Variants in GALNT13 observed in about 807,000 individuals in gnomAD.
GALNT13 encodes polypeptide N-acetylgalactosaminyltransferase 13, also known as UDP-GalNAc:polypeptide N-acetylgalactosaminyltransferase 13.
GALNT13 carries 28 observed loss-of-function variants against 64.2 expected under a neutral mutation model. That is an observed-to-expected ratio of 0.44 (90% CI 0.32 to 0.60). The LOEUF is 0.60. Among genes scored for constraint, GALNT13 ranks in the 20% least tolerant of loss-of-function variants. GALNT13 has a pLI of 0.05. For synonymous variants in GALNT13, 214 were observed against 224.6 expected, an observed-to-expected ratio of 0.95 and a Z score of 0.42; for missense variants, 577 against 669.8, an observed-to-expected ratio of 0.86 and a Z score of 1.53.
the GALNT13 span, among the ~76,000 whole-genome samples, chr2:153,223,098 A>G: frequency 6.6e-6 from 1 of 152,228 alleles, no homozygotes; most frequent in South Asian, 2.1e-4. Flanking sequence ...AAATGATGAT[A>G]ACGAGAAAAA....
chr2:153,503,086 ACT>A, the GALNT13 span, among the ~76,000 whole-genome samples: 11 of 151,380 alleles, frequency 7.3e-5, no homozygotes, highest in Non-Finnish European at 1.5e-4. Context: ...AGTTTAATTA[ACT>A]CTCATCTATT....
At chr2:153,382,019 A>G in the GALNT13 span, among the ~76,000 whole-genome samples, 1 of 152,122 alleles carries the variant, frequency 6.6e-6, no homozygotes, top group East Asian at 1.9e-4. Flanking sequence ...TCAATGTGAT[A>G]CAGCAGTTAA....
intron 4 of GALNT13, among the ~76,000 whole-genome samples, chr2:154,229,579 A>G (rs1688808386): frequency 6.6e-6 from 1 of 152,076 alleles, no homozygotes; most frequent in Admixed American, 6.6e-5. Context: ...ATAAATATAT[A>G]AAATTTACTG....
At chr2:153,612,116 T>C in the GALNT13 span, among the ~76,000 whole-genome samples, 2 of 152,172 alleles carry the variant, frequency 1.3e-5, no homozygotes, top group Non-Finnish European at 2.9e-5. Context: ...TTGACGGGCA[T>C]TTGGGTTGGT....
chr2:153,531,294 C>A, the GALNT13 span, among the ~76,000 whole-genome samples: 1,853 of 152,230 alleles, frequency 0.012, 41 homozygotes, highest in African/African-American at 0.042. Context: ...AGGAAACTTA[C>A]AATCATGGTA....
chr2:153,612,010 T>C, the GALNT13 span, among the ~76,000 whole-genome samples: 7 of 152,212 alleles, frequency 4.6e-5, 1 homozygote, highest in Admixed American at 4.6e-4. Context: ...TCCAGCTTCA[T>C]CCATGTCCCT....
At chr2:153,420,513 T>C in the GALNT13 span, among the ~76,000 whole-genome samples, 2 of 152,184 alleles carry the variant, frequency 1.3e-5, no homozygotes, top group Non-Finnish European at 2.9e-5. Flanking sequence ...AGCCTTTAAT[T>C]TGAGACATGA....
intron 2 of GALNT13, among the ~76,000 whole-genome samples, chr2:153,903,123 G>C (rs1432493163): frequency 6.6e-6 from 1 of 151,970 alleles, no homozygotes; most frequent in Non-Finnish European, 1.5e-5. Context: ...ATATTCACTT[G>C]TTGGGCAATA....
At chr2:154,367,483 G>GCTCTCTC (rs1574172848) in intron 9 of GALNT13, among the ~76,000 whole-genome samples, 2 of 152,252 alleles carry the variant, frequency 1.3e-5, no homozygotes, top group East Asian at 3.9e-4. Flanking sequence ...GGCATTTCCA[G>GCTCTCTC]CAAATTGTGA....
chr2:154,367,466 C>G (rs1038320157), intron 9 of GALNT13, among the ~76,000 whole-genome samples: 1 of 152,160 alleles, frequency 6.6e-6, no homozygotes, highest in African/African-American at 2.4e-5. Flanking sequence ...TCCTGAAAAT[C>G]CTAGCTGGCA....
the GALNT13 span, among the ~76,000 whole-genome samples, chr2:153,129,888 T>C: frequency 9.9e-4 from 150 of 152,284 alleles, 3 homozygotes; most frequent in East Asian, 0.024. Context: ...AAGCAACACA[T>C]ACAATTAGGA....
At chr2:153,214,610 C>T in the GALNT13 span, among the ~76,000 whole-genome samples, 1 of 152,112 alleles carries the variant, frequency 6.6e-6, no homozygotes. Context: ...GCAATGTTCT[C>T]TTTTAATAGT....
At chr2:153,858,218 A>C in the GALNT13 span, among the ~76,000 whole-genome samples, 1 of 152,176 alleles carries the variant, frequency 6.6e-6, no homozygotes. Context: ...GAGGGGACAG[A>C]AAATGCAAAG....
chr2:153,200,436 A>C, the GALNT13 span, among the ~76,000 whole-genome samples: 1 of 152,200 alleles, frequency 6.6e-6, no homozygotes, highest in Non-Finnish European at 1.5e-5. Flanking sequence ...GACAAATAGT[A>C]GTGTGACCTG....
chr2:153,541,556 A>G, the GALNT13 span, among the ~76,000 whole-genome samples: 2 of 152,170 alleles, frequency 1.3e-5, no homozygotes, highest in Non-Finnish European at 2.9e-5. Flanking sequence ...ACCTACAATT[A>G]TTACTCTAAC....
the GALNT13 span, among the ~76,000 whole-genome samples, chr2:153,397,754 T>A: frequency 6.6e-6 from 1 of 152,086 alleles, no homozygotes; most frequent in East Asian, 1.9e-4. Flanking sequence ...ATCCAGTGTC[T>A]ATTCGGTCTT....
At chr2:153,728,273 C>T in the GALNT13 span, among the ~76,000 whole-genome samples, 1 of 152,146 alleles carries the variant, frequency 6.6e-6, no homozygotes, top group South Asian at 2.1e-4. Flanking sequence ...AATGGGATTG[C>T]TGAGTCAAAT....
At chr2:153,465,278 A>G in the GALNT13 span, among the ~76,000 whole-genome samples, 1 of 152,026 alleles carries the variant, frequency 6.6e-6, no homozygotes, top group African/African-American at 2.4e-5. Flanking sequence ...TGGAGTTTCA[A>G]GAGCACAGTA....
At chr2:153,986,795 A>G (rs1694830069) in intron 3 of GALNT13, among the ~76,000 whole-genome samples, 1 of 152,012 alleles carries the variant, frequency 6.6e-6, no homozygotes, top group Non-Finnish European at 1.5e-5. Context: ...AGAGAGAACT[A>G]TGAAAAGCTG....
Sources: allele counts gnomAD v4.1 joint callset (sites outside exome capture counted in the v4.1 genomes callset), GRCh38; gene constraint gnomAD v4.1.1; transcripts MANE v1.5; gene names NCBI Gene and HGNC (gene_info 2026-07-23, HGNC 2026-07-21).